Variants in PDE4B observed in about 807,000 individuals in gnomAD.
PDE4B encodes the protein phosphodiesterase 4B, also known as 3',5'-cyclic-AMP phosphodiesterase 4B.
Under a neutral mutation model 82.2 loss-of-function variants are expected in PDE4B, and 20 were observed. That is an observed-to-expected ratio of 0.24 (90% CI 0.17 to 0.35). The LOEUF (loss-of-function observed/expected upper bound fraction) is 0.35. PDE4B is among the 10% of genes least tolerant of loss of function. The pLI is 1.00. For synonymous variants in PDE4B, 320 were observed against 318.9 expected, an observed-to-expected ratio of 1.00 and a Z score of -0.04; for missense variants, 655 against 907.2, an observed-to-expected ratio of 0.72 and a Z score of 3.57.
At chr1:65,932,604 G>T (rs61498597) in intron 3 of PDE4B, among the ~76,000 whole-genome samples, 2 of 151,922 alleles carry the variant, frequency 1.3e-5, no homozygotes, top group African/African-American at 2.4e-5. Context: ...AAAGGAACAA[G>T]ATAAATCTCC....
intron 4 of PDE4B, among the ~76,000 whole-genome samples, chr1:66,255,106 C>CA (rs1654106408): frequency 6.7e-6 from 1 of 149,416 alleles, no homozygotes; most frequent in African/African-American, 2.5e-5. Flanking sequence ...CTTTTTGAGA[C>CA]AAAGTGTCAC....
At chr1:66,185,632 A>G (rs1647174839) in intron 3 of PDE4B, among the ~76,000 whole-genome samples, 1 of 152,192 alleles carries the variant, frequency 6.6e-6, no homozygotes, top group Non-Finnish European at 1.5e-5. Flanking sequence ...GGCTGCATAA[A>G]TGTCTTCTTT....
intron 1 of PDE4B, among the ~76,000 whole-genome samples, chr1:65,813,893 CAAAAAA>C (rs5774766): frequency 9.7e-6 from 1 of 103,424 alleles, no homozygotes. Flanking sequence ...GGCACTGCGG[CAAAAAA>C]AAAAAAAAAA....
At position 66,265,890 on chromosome 1, in the gene PDE4B, G is replaced by C. The variant is rs572589846; in HGVS notation, c.585-148G>C. ...ATTGCAGTCATCTACCCGGGTTACA[G>C]GAGCTTGCCTTCCGGAGATGGCATT... On this transcript the variant is annotated intron_variant, in intron 6 of 16. Coordinates refer to ENST00000341517, the MANE Select transcript of PDE4B (RefSeq NM_002600.4). The C allele has an allele frequency of 9.7e-5, 64 of 659,136 alleles. 1 individual carries two copies. In the South Asian group the frequency reaches 1.1e-3, roughly 11 times the overall value. 40.8% of individuals were successfully genotyped at this position (659,136 alleles called of 1,614,324 possible). A position where few individuals can be genotyped will look rare whatever the true frequency, so the allele number is the denominator to read the frequency against.
In PDE4B at chr1:66,374,275, C is replaced by T. The variant is rs182887410; in HGVS notation, c.*1597C>T. On this transcript the variant is annotated 3_prime_UTR_variant, in exon 17 of 17. Transcript: ENST00000341517. Reference sequence around the variant, plus strand: ...TATAATAAAATGTGAACTGATGTAGCAAATTACGCAAATGTGAAGCCTCTT... The same window carrying T: ...TATAATAAAATGTGAACTGATGTAGTAAATTACGCAAATGTGAAGCCTCTT... 3.3e-5 allele frequency: 5 copies of T among 152,752 alleles called. No homozygotes were observed. In the East Asian group the frequency reaches 9.6e-4, roughly 29 times the overall value. The allele number at this position is 152,752 out of a possible 1,614,324, so 9.5% of individuals were successfully genotyped here. A position where few individuals can be genotyped will look rare whatever the true frequency, so the allele number is the denominator to read the frequency against.
At chr1:65,881,759 C>A (rs958743876) in intron 1 of PDE4B, among the ~76,000 whole-genome samples, 3 of 152,128 alleles carry the variant, frequency 2.0e-5, no homozygotes, top group Non-Finnish European at 2.9e-5. Flanking sequence ...CTAATTAAAG[C>A]AACCTTAAGT....
intron 7 of PDE4B, among the ~76,000 whole-genome samples, chr1:66,269,091 A>G (rs1422110261): frequency 1.3e-5 from 2 of 152,264 alleles, no homozygotes; most frequent in South Asian, 4.1e-4. Context: ...AACTTTTAAT[A>G]ATGAGCCAAT....
chr1:66,297,553 G>C (rs1657596838), intron 7 of PDE4B, among the ~76,000 whole-genome samples: 1 of 152,152 alleles, frequency 6.6e-6, no homozygotes, highest in Non-Finnish European at 1.5e-5. Flanking sequence ...AGATCCTCAA[G>C]AGAGCGGTTT....
intron 3 of PDE4B, among the ~76,000 whole-genome samples, chr1:66,144,255 A>ATATT (rs773700769): frequency 7.0e-4 from 107 of 152,330 alleles, no homozygotes; most frequent in Non-Finnish European, 1.3e-3. Context: ...AATTAAACAA[A>ATATT]TATTTATTTA....
At chr1:65,852,329 A>T (rs767366591) in intron 1 of PDE4B, among the ~76,000 whole-genome samples, 23 of 152,014 alleles carry the variant, frequency 1.5e-4, no homozygotes, top group Non-Finnish European at 2.7e-4. Flanking sequence ...TCAATAAAGC[A>T]ATCCGAGTTC....
chr1:66,182,368 CAT>C (rs1359895067), intron 3 of PDE4B, among the ~76,000 whole-genome samples: 7 of 151,988 alleles, frequency 4.6e-5, no homozygotes, highest in Non-Finnish European at 8.8e-5. Context: ...TTATACAAAA[CAT>C]ATATAGAGAA....
chr1:66,223,909 G>A (rs186595620), intron 3 of PDE4B, among the ~76,000 whole-genome samples: 5 of 152,236 alleles, frequency 3.3e-5, no homozygotes, highest in African/African-American at 1.2e-4. Flanking sequence ...CTTTGTCTCC[G>A]TGACAAATGG....
intron 1 of PDE4B, among the ~76,000 whole-genome samples, chr1:65,836,476 G>C (rs1439121140): frequency 6.6e-6 from 1 of 152,096 alleles, no homozygotes; most frequent in Non-Finnish European, 1.5e-5. Context: ...ATTCTTCTGC[G>C]AGGCTGTTAA....
At chr1:65,932,585 A>G (rs1647900141) in intron 3 of PDE4B, among the ~76,000 whole-genome samples, 1 of 152,166 alleles carries the variant, frequency 6.6e-6, no homozygotes. Context: ...ATGGAAATGG[A>G]TTCCAAACAA....
At chr1:65,939,931 T>G (rs1315342828) in intron 3 of PDE4B, among the ~76,000 whole-genome samples, 1 of 152,118 alleles carries the variant, frequency 6.6e-6, no homozygotes, top group South Asian at 2.1e-4. Flanking sequence ...GTATTAAGAA[T>G]TTGGTTAATT....
chr1:65,807,596 G>T (rs1334736123), intron 1 of PDE4B, among the ~76,000 whole-genome samples: 2 of 152,182 alleles, frequency 1.3e-5, no homozygotes, highest in Non-Finnish European at 2.9e-5. Flanking sequence ...CGATTGTAGT[G>T]CTAGTTTCCT....
chr1:65,835,662 AT>A (rs1646131981), intron 1 of PDE4B, among the ~76,000 whole-genome samples: 1 of 152,206 alleles, frequency 6.6e-6, no homozygotes, highest in Non-Finnish European at 1.5e-5. Flanking sequence ...CATTTAAAAA[AT>A]GTTTTCTGAG....
intron 3 of PDE4B, among the ~76,000 whole-genome samples, chr1:66,157,581 T>C (rs1269764500): frequency 6.6e-6 from 1 of 152,242 alleles, no homozygotes; most frequent in Non-Finnish European, 1.5e-5. Context: ...CTTCTGATTC[T>C]ACTCAAAGGT....
chr1:65,815,096 C>T (rs934400081), intron 1 of PDE4B, among the ~76,000 whole-genome samples: 2 of 150,868 alleles, frequency 1.3e-5, no homozygotes, highest in South Asian at 2.1e-4. Flanking sequence ...TTACGGTACA[C>T]GTGCACAATG....
Sources: gnomAD v4.1 joint callset for allele counts (sites outside exome capture counted in the v4.1 genomes callset) on GRCh38, gnomAD v4.1.1 for gene constraint, MANE v1.5 for transcripts, NCBI Gene and HGNC (gene_info 2026-07-23, HGNC 2026-07-21) for gene names.